The following ENPEP variants were observed in gnomAD, a reference collection of about 807,000 sequenced individuals.
ENPEP encodes the protein AP-A.
ENPEP carries 103 observed loss-of-function variants against 114.5 expected under a neutral mutation model. The observed-to-expected ratio is 0.90, with a 90% CI of 0.77 to 1.06. ENPEP has a LOEUF of 1.06. ENPEP is among the 50% of genes least tolerant of loss of function. The pLI is 0.00. For synonymous variants in ENPEP, 420 were observed against 422.0 expected, an observed-to-expected ratio of 1.00 and a Z score of 0.06; for missense variants, 1,196 against 1,161.3, an observed-to-expected ratio of 1.03 and a Z score of -0.43.
intron 11 of ENPEP, 65 bp downstream of exon 11, chr4:110,531,342 A>G: frequency 3.3e-6 from 4 of 1,217,392 alleles, no homozygotes; most frequent in Non-Finnish European, 4.4e-6. Context: ...TAATATAAGT[A>G]TAAAGATGCA....
chr4:110,510,005 A>G (rs566926068), intron 5 of ENPEP, among the ~76,000 whole-genome samples, 198 bp downstream of exon 5: 1 of 152,256 alleles, frequency 6.6e-6, no homozygotes, highest in South Asian at 2.1e-4. Flanking sequence ...GGAAATATGC[A>G]CGAGGCCTTC....
Position 110,476,300 on chromosome 4 carries a change from C to A in ENPEP, c.-115C>A. ...GCCAGAGAGAGGGGTGTGGGAAAAG[C>A]GAAAACAGGCTGCCAAATCAGGGGA... On this transcript the variant is annotated 5_prime_UTR_variant, in exon 1 of 20. Transcript: ENST00000265162. 2.2e-6 allele frequency: 3 copies of A among 1,368,050 alleles called. No individual in the cohort carries two copies. The highest frequency in any genetic ancestry group is 3.0e-6 in the Non-Finnish European group (3 of 1,015,292). The allele number at this position is 1,368,050 out of a possible 1,614,324, so 84.7% of individuals were successfully genotyped here.
At position 110,513,521 on chromosome 4, in the gene ENPEP, C is replaced by A. The variant is rs1236739056; in HGVS notation, c.1415C>A (p.Ser472Tyr). The A allele has an allele frequency of 6.2e-7, 1 of 1,613,054 alleles. No homozygotes were observed. The highest frequency in any genetic ancestry group is 1.7e-5 in the Admixed American group (1 of 59,962). ...VTVTTPDEIT[S>Y]VFDGISYSKG... ...GTGACAACCCCTGATGAAATAACAT[C>A]TGTTTTTGATGGAATATCCTATAGC... Residue 472 changes from serine to tyrosine, a missense_variant, in exon 7 of 20, where the codon TCT becomes TAT. Physicochemically the swap from Ser to Tyr is moderately radical, Grantham distance 144 (BLOSUM62 -2). Coordinates refer to ENST00000265162, the MANE Select transcript of ENPEP (RefSeq NM_001977.4).
At chr4:110,491,714 CTTTCTTTTTTTT>C (rs146474283) in intron 3 of ENPEP, among the ~76,000 whole-genome samples, 53,970 of 143,440 alleles carry the variant, frequency 0.38, 10,336 homozygotes, top group East Asian at 0.51. Flanking sequence ...AGTTTTCTTT[CTTTCTTTTTTTT>C]TTTTTTTTTT....
intron 3 of ENPEP, among the ~76,000 whole-genome samples, chr4:110,503,365 GT>G (rs921767939): frequency 4.0e-5 from 6 of 151,786 alleles, no homozygotes; most frequent in African/African-American, 1.5e-4. Context: ...CCTGTAGTGT[GT>G]TTTTTTTAGC....
intron 11 of ENPEP, among the ~76,000 whole-genome samples, chr4:110,537,832 G>T (rs1019051370): frequency 2.0e-5 from 3 of 152,208 alleles, no homozygotes; most frequent in African/African-American, 7.2e-5. Context: ...TGTGTTAGCA[G>T]CTGTGAAAAC....
chr4:110,505,595 A>T (rs1725344342), intron 3 of ENPEP, among the ~76,000 whole-genome samples: 10 of 152,226 alleles, frequency 6.6e-5, no homozygotes, highest in Admixed American at 6.5e-4. Flanking sequence ...AATAATAAAG[A>T]GAGTGGGCAA....
At chr4:110,558,270 T>TTATATATATATATATATATATATA (rs5861011) in intron 18 of ENPEP, among the ~76,000 whole-genome samples, 12 of 141,686 alleles carry the variant, frequency 8.5e-5, no homozygotes, top group African/African-American at 3.1e-4. Context: ...TTTATAAAAA[T>TTATATATATATATATATATATATA]TATATATATA....
At chr4:110,524,986 A>C (rs1726140952) in intron 10 of ENPEP, among the ~76,000 whole-genome samples, 1 of 152,200 alleles carries the variant, frequency 6.6e-6, no homozygotes, top group South Asian at 2.1e-4. Context: ...TCCTGAGCTC[A>C]AGCGATCCTC....
intron 1 of ENPEP, among the ~76,000 whole-genome samples, chr4:110,478,011 C>T (rs933951430): frequency 5.9e-5 from 9 of 152,284 alleles, no homozygotes; most frequent in South Asian, 2.1e-4. Flanking sequence ...TGTGTTGTGT[C>T]TGGACTGCTT....
intron 11 of ENPEP, among the ~76,000 whole-genome samples, chr4:110,542,133 T>C (rs1239365647): frequency 6.6e-6 from 1 of 152,102 alleles, no homozygotes; most frequent in Non-Finnish European, 1.5e-5. Context: ...GAAGAACAAG[T>C]GTGAAGTCGA....
Position 110,520,491 on chromosome 4 carries a change from T to C in ENPEP, c.1727+125T>C, listed in dbSNP as rs1725948554. The C allele has an allele frequency of 4.0e-6, 4 of 1,009,604 alleles. No homozygotes were observed. The South Asian group carries it at 5.0e-5, about 13-fold the overall frequency. 62.5% of individuals were successfully genotyped at this position (1,009,604 alleles called of 1,614,324 possible). Reference sequence around the variant, plus strand: ...TACAAGTATAAAGCCACAGTGCCTTTAGGGGAACAAGGAATTCAAAAATAG... The same window carrying C: ...TACAAGTATAAAGCCACAGTGCCTTCAGGGGAACAAGGAATTCAAAAATAG... On this transcript the variant is annotated intron_variant, in intron 10 of 19. Coordinates refer to ENST00000265162, the MANE Select transcript of ENPEP (RefSeq NM_001977.4).
chr4:110,544,261 G>A (rs76780998), intron 13 of ENPEP, among the ~76,000 whole-genome samples: 1 of 152,074 alleles, frequency 6.6e-6, no homozygotes, highest in African/African-American at 2.4e-5. Flanking sequence ...CTTCTGTGAG[G>A]AATAAATGAG....
At chr4:110,558,451 T>C (rs1314466418) in intron 18 of ENPEP, among the ~76,000 whole-genome samples, 2 of 151,756 alleles carry the variant, frequency 1.3e-5, no homozygotes, top group Admixed American at 1.3e-4. Flanking sequence ...CACCACCACG[T>C]GCCCAGCTAC....
At chr4:110,541,115 T>C (rs1454480863) in intron 11 of ENPEP, among the ~76,000 whole-genome samples, 1 of 152,140 alleles carries the variant, frequency 6.6e-6, no homozygotes, top group Non-Finnish European at 1.5e-5. Flanking sequence ...TTCAACAACT[T>C]GTCCATGGGA....
intron 1 of ENPEP, among the ~76,000 whole-genome samples, chr4:110,485,847 T>A (rs184862206): frequency 1.1e-3 from 172 of 152,234 alleles, no homozygotes; most frequent in Non-Finnish European, 1.7e-3. Context: ...CTGTCAGGAC[T>A]ATCACAGAAG....
intron 2 of ENPEP, among the ~76,000 whole-genome samples, chr4:110,489,516 C>T (rs1052992170): frequency 2.5e-4 from 38 of 151,836 alleles, no homozygotes; most frequent in African/African-American, 8.7e-4. Flanking sequence ...ATGTAACAAA[C>T]CTGCACATTC....
chr4:110,483,674 G>A (rs1022335066), intron 1 of ENPEP, among the ~76,000 whole-genome samples: 5 of 152,156 alleles, frequency 3.3e-5, no homozygotes, highest in Non-Finnish European at 5.9e-5. Context: ...GGCATAGGGA[G>A]GCCCTTGTGG....
chr4:110,490,996 T>C (rs1481580854), intron 2 of ENPEP, 37 bp from the exon 3 acceptor site: 1 of 1,592,040 alleles, frequency 6.3e-7, no homozygotes, highest in Non-Finnish European at 8.5e-7. Flanking sequence ...ATGATTGATA[T>C]TTTGATCGAT....
Sources: gnomAD v4.1 joint callset for allele counts (sites outside exome capture counted in the v4.1 genomes callset) on GRCh38, gnomAD v4.1.1 for gene constraint, MANE v1.5 for transcripts, NCBI Gene and HGNC (gene_info 2026-07-23, HGNC 2026-07-21) for gene names.